The following MBD5 variants were observed in gnomAD, a reference collection of about 807,000 sequenced individuals.
MBD5 encodes the protein methyl-CpG binding domain protein 5.
MBD5 carries 13 observed loss-of-function variants against 117.3 expected under a neutral mutation model. The observed-to-expected ratio is 0.11, with a 90% confidence interval of 0.07 to 0.18. The LOEUF (loss-of-function observed/expected upper bound fraction) is 0.18. Ranked by LOEUF, MBD5 falls within the 10% of genes least tolerant of loss-of-function variation. The probability of loss-of-function intolerance (pLI) is 1.00; values close to 1 mark genes in which losing one functional copy is unlikely to be tolerated. For missense variants in MBD5, 1,879 were observed against 2,093.8 expected (o/e 0.90, Z 2.00); for synonymous variants, 727 against 766.4 (o/e 0.95, Z 0.85).
rs73009254 is a variant in MBD5, at chr2:148,155,485, T to G, written c.-924-23215T>G. Among the ~76,000 whole-genome samples, 3 of 152,286 alleles carry G rather than the reference T, an allele frequency of 2.0e-5. No individual in the cohort carries two copies. The South Asian group carries it at 6.2e-4, about 32-fold the overall frequency. ...ACTGTCCTTCAGAGATTAAGTAATTTATATCATTCTTCTCTTTGTCCTTTG... is the reference window on the plus strand; with the variant it reads ...ACTGTCCTTCAGAGATTAAGTAATTGATATCATTCTTCTCTTTGTCCTTTG... On this transcript the variant is annotated intron_variant, in intron 1 of 13. Transcript: ENST00000642680.
intron 4 of MBD5, among the ~76,000 whole-genome samples, chr2:148,451,434 G>C (rs1277326016): frequency 6.6e-6 from 1 of 152,110 alleles, no homozygotes. Flanking sequence ...TGAAACAGAT[G>C]GGGGGAGGTT....
rs10205968 is a variant in MBD5, at chr2:148,048,371, T to A, written c.-925+26687T>A. ...TACTACTTATTAGGTGCTGGAATTA[T>A]GAAGATGAGTAAACACAACATCTGC... On this transcript the variant is annotated intron_variant, in intron 1 of 13. Transcript: ENST00000642680. Among the ~76,000 whole-genome samples the A allele has an allele frequency of 7.7e-3, 1,170 of 152,300 alleles. 18 individuals are homozygous for A. Among genetic ancestry groups the A allele is most frequent in the African/African-American group, 0.027 (1,109 of 41,564 alleles).
intron 2 of MBD5, among the ~76,000 whole-genome samples, chr2:148,211,949 A>G (rs1024314262): frequency 6.6e-6 from 1 of 152,016 alleles, no homozygotes; most frequent in Admixed American, 6.6e-5. Context: ...GGGTCTTACT[A>G]TGTTGCTCAG....
intron 4 of MBD5, among the ~76,000 whole-genome samples, chr2:148,447,158 A>G (rs1706565118): frequency 2.2e-5 from 3 of 139,464 alleles, no homozygotes; most frequent in Non-Finnish European, 4.6e-5. Flanking sequence ...AAAGAAGGAA[A>G]GAAAGGAAGA....
chr2:148,174,336 A>G (rs188906608), intron 1 of MBD5, among the ~76,000 whole-genome samples: 8 of 152,308 alleles, frequency 5.3e-5, no homozygotes, highest in Admixed American at 4.6e-4. Context: ...TGTTAAGACC[A>G]GAAACTGTAA....
At chr2:148,111,146 A>G (rs1249788175) in intron 1 of MBD5, among the ~76,000 whole-genome samples, 1 of 152,202 alleles carries the variant, frequency 6.6e-6, no homozygotes. Flanking sequence ...TCCCTCTGGA[A>G]TATACTTACT....
chr2:148,329,769 A>T (rs1702582357), intron 3 of MBD5, among the ~76,000 whole-genome samples: 1 of 152,180 alleles, frequency 6.6e-6, no homozygotes, highest in African/African-American at 2.4e-5. Context: ...GTATTCACAA[A>T]TAATATCCAA....
At chr2:148,021,035 G>C (rs528390918), upstream of MBD5, 9 of 152,452 alleles carry the variant, frequency 5.9e-5, no homozygotes, top group African/African-American at 2.2e-4. Flanking sequence ...CCGTCAGAGA[G>C]GGACATGCGC....
chr2:148,315,096 G>T (rs777213388), intron 3 of MBD5, among the ~76,000 whole-genome samples: 1 of 152,152 alleles, frequency 6.6e-6, no homozygotes, highest in African/African-American at 2.4e-5. Context: ...ACTCAGAGGA[G>T]CTTGATTAAA....
At chr2:148,363,551 A>G (rs1420334431) in intron 4 of MBD5, among the ~76,000 whole-genome samples, 3 of 152,116 alleles carry the variant, frequency 2.0e-5, no homozygotes, top group Non-Finnish European at 4.4e-5. Flanking sequence ...CCTTGAGAAA[A>G]GGTTAGACAA....
chr2:148,483,545 A>G lies in MBD5; in HGVS notation c.2954A>G (p.His985Arg). 1 of 1,590,232 alleles carries G rather than the reference A, an allele frequency of 6.3e-7. No individual in the cohort carries two copies. The highest frequency in any genetic ancestry group is 8.6e-7 in the Non-Finnish European group (1 of 1,167,970). ...DMDGQVLQPV[H>R]FQLLAALLQN... ...GATGGGCAGGTATTGCAGCCTGTTC[A>G]CTTTCAGCTCTTAGCAGCCTTGCTT... The change falls in exon 9 of 14, where the codon CAC becomes CGC. Residue 985 changes from histidine to arginine, a missense_variant. Around this residue, in one of 4 missense-constraint regions of MBD5, gnomAD observed 1,666 missense variants for 1,792.2 expected, o/e 0.93. Transcript: ENST00000642680.
intron 3 of MBD5, among the ~76,000 whole-genome samples, chr2:148,326,899 T>G (rs1449497022): frequency 6.6e-6 from 1 of 150,604 alleles, no homozygotes; most frequent in Non-Finnish European, 1.5e-5. Context: ...CTGGTGATTT[T>G]GCTCGTTAGT....
At chr2:148,247,675 G>A (rs141672537) in intron 3 of MBD5, among the ~76,000 whole-genome samples, 148 of 151,970 alleles carry the variant, frequency 9.7e-4, no homozygotes, top group African/African-American at 1.7e-3. Context: ...CTTTTCCTTG[G>A]GGTTATGTGG....
chr2:148,389,579 T>C (rs1005605783), intron 4 of MBD5, among the ~76,000 whole-genome samples: 9 of 152,042 alleles, frequency 5.9e-5, no homozygotes, highest in African/African-American at 2.2e-4. Flanking sequence ...TTCCTCCACA[T>C]CCTCACCAAC....
At position 148,469,780 on chromosome 2, in the gene MBD5, A is replaced by T. The variant is rs398124341; in HGVS notation, c.1837A>T (p.Asn613Tyr). The change falls in exon 8 of 14, where the codon AAC becomes TAC. Residue 613 changes from asparagine to tyrosine, a missense_variant. Asn to Tyr is a moderately radical substitution (Grantham distance 143). Around this residue, in one of 4 missense-constraint regions of MBD5, gnomAD observed 1,666 missense variants for 1,792.2 expected, o/e 0.93. Transcript: ENST00000642680. ...SNSGAVAGSG[N>Y]TEGHSTLNTM... Reference sequence around the variant, plus strand: ...TTCTGGAGCTGTTGCCGGCAGTGGCAACACTGAAGGACATAGCACTTTAAA... The same window carrying T: ...TTCTGGAGCTGTTGCCGGCAGTGGCTACACTGAAGGACATAGCACTTTAAA... 1 of 1,613,888 alleles carries T rather than the reference A, an allele frequency of 6.2e-7. No homozygotes were observed. The highest frequency in any genetic ancestry group is 1.3e-5 in the African/African-American group (1 of 74,928).
intron 4 of MBD5, among the ~76,000 whole-genome samples, chr2:148,386,022 A>C (rs1044139589): frequency 6.6e-6 from 1 of 150,908 alleles, no homozygotes; most frequent in Admixed American, 6.6e-5. Context: ...ATGAGGAGTT[A>C]ATGGGTGCAG....
At chr2:148,445,495 C>T (rs1403883537) in intron 4 of MBD5, among the ~76,000 whole-genome samples, 4 of 151,278 alleles carry the variant, frequency 2.6e-5, no homozygotes, top group Non-Finnish European at 4.4e-5. Context: ...CATAGTATTC[C>T]ATGGTGTATA....
Position 148,483,969 on chromosome 2 carries a change from G to A in MBD5, c.3378G>A (p.Val1126=), listed in dbSNP as rs1406016989. The A allele has an allele frequency of 2.6e-6, 4 of 1,550,466 alleles. No homozygotes were observed. In the Admixed American group the frequency reaches 7.8e-5, roughly 30 times the overall value. ...CCACAACCACTACATCATCAGCAGT[G>A]GCAGCACTGACTGTCTCAACACTTG... The part of the protein sequence containing the change: ...TTTTTTTSSA[V]AALTVSTLGG... Residue 1126 remains valine, a synonymous_variant, in exon 9 of 14, where the codon GTG becomes GTA. Transcript: ENST00000642680.
At chr2:148,147,461 C>G (rs547966633) in intron 1 of MBD5, among the ~76,000 whole-genome samples, 8 of 151,946 alleles carry the variant, frequency 5.3e-5, no homozygotes, top group African/African-American at 1.7e-4. Context: ...AGGCTGGTCT[C>G]AAACTCCTGA....
Sources: allele counts gnomAD v4.1 joint callset (sites outside exome capture counted in the v4.1 genomes callset), GRCh38; gene constraint gnomAD v4.1.1; regional missense constraint gnomAD v4.1.1; transcripts MANE v1.5; gene names NCBI Gene and HGNC (gene_info 2026-07-23, HGNC 2026-07-21).